The following TAFA2 variants were observed in gnomAD, a reference collection of about 807,000 sequenced individuals.
TAFA2 encodes the protein TAFA chemokine like family member 2, also known as chemokine-like protein TAFA-2.
In TAFA2, 7 loss-of-function variants were observed where a neutral mutation model predicts 18.8. The observed-to-expected ratio is 0.37, with a 90% CI of 0.21 to 0.70. TAFA2 has a LOEUF of 0.70. TAFA2 is among the 30% of genes least tolerant of loss of function. The probability of loss-of-function intolerance (pLI) is 0.53; values close to 1 mark genes in which losing one functional copy is unlikely to be tolerated. For missense variants in TAFA2, 122 were observed against 158.1 expected, an observed-to-expected ratio of 0.77 and a Z score of 1.23; for synonymous variants, 60 against 54.2, an observed-to-expected ratio of 1.11 and a Z score of -0.47.
At chr12:61,793,726 T>C (rs775789664) in intron 2 of TAFA2, among the ~76,000 whole-genome samples, 2 of 151,838 alleles carry the variant, frequency 1.3e-5, no homozygotes, top group Non-Finnish European at 2.9e-5. Flanking sequence ...GAGGTATGAC[T>C]ATGTCTCAAC....
intron 1 of TAFA2, among the ~76,000 whole-genome samples, chr12:61,941,440 TGG>T (rs1878008299): frequency 6.6e-6 from 1 of 152,100 alleles, no homozygotes; most frequent in Non-Finnish European, 1.5e-5. Context: ...AGAATTTTGT[TGG>T]GGAGGAGCCA....
chr12:62,079,686 C>A (rs1427674059), intron 1 of TAFA2, among the ~76,000 whole-genome samples: 2 of 151,314 alleles, frequency 1.3e-5, no homozygotes, highest in African/African-American at 2.4e-5. Context: ...AAATTTTTAA[C>A]AGCATGTTGT....
intron 1 of TAFA2, chr12:61,880,566 C>A (rs942855900): frequency 1.2e-4 from 59 of 480,774 alleles, no homozygotes; most frequent in African/African-American, 6.3e-4. Context: ...TACTCAAAGA[C>A]CACCAGTGGC....
chr12:61,928,650 C>A (rs1217291606), intron 1 of TAFA2, among the ~76,000 whole-genome samples: 1 of 152,156 alleles, frequency 6.6e-6, no homozygotes, highest in Non-Finnish European at 1.5e-5. Flanking sequence ...CTTGACCCAG[C>A]AATCCCATTA....
chr12:62,207,471 A>AACAC (rs57677645), intron 1 of TAFA2, among the ~76,000 whole-genome samples: 1 of 149,556 alleles, frequency 6.7e-6, no homozygotes, highest in African/African-American at 2.4e-5. Context: ...TTCACACACA[A>AACAC]ACACACACAC....
intron 1 of TAFA2, among the ~76,000 whole-genome samples, chr12:62,213,189 G>T (rs1029568592): frequency 2.6e-5 from 4 of 152,184 alleles, no homozygotes; most frequent in Non-Finnish European, 5.9e-5. Context: ...CACAGTTAGA[G>T]AAGTAGTAAG....
chr12:61,744,534 TAA>T (rs1868608810), intron 4 of TAFA2, among the ~76,000 whole-genome samples: 1 of 152,104 alleles, frequency 6.6e-6, no homozygotes, highest in Non-Finnish European at 1.5e-5. Flanking sequence ...AATCAGCTCT[TAA>T]ATTTAAAATA....
intron 1 of TAFA2, among the ~76,000 whole-genome samples, chr12:62,255,891 G>C (rs1242779220): frequency 6.6e-6 from 1 of 151,852 alleles, no homozygotes; most frequent in Non-Finnish European, 1.5e-5. Flanking sequence ...AGTTCTATTA[G>C]CATGTAGTGA....
intron 1 of TAFA2, among the ~76,000 whole-genome samples, chr12:62,110,573 C>A (rs572886935): frequency 6.2e-4 from 93 of 148,884 alleles, no homozygotes; most frequent in Non-Finnish European, 1.0e-3. Flanking sequence ...CCTTTTGCAC[C>A]TCTGGTAGAA....
intron 1 of TAFA2, among the ~76,000 whole-genome samples, chr12:61,933,247 A>T (rs879404048): frequency 6.6e-6 from 1 of 152,188 alleles, no homozygotes; most frequent in African/African-American, 2.4e-5. Flanking sequence ...CTGAGCTCAA[A>T]TCCTAGTTCA....
At chr12:62,077,776 C>T (rs1868261167) in intron 1 of TAFA2, among the ~76,000 whole-genome samples, 1 of 152,138 alleles carries the variant, frequency 6.6e-6, no homozygotes, top group Non-Finnish European at 1.5e-5. Context: ...ACCTCATCCA[C>T]AGCCATGAAT....
Position 61,754,989 on chromosome 12 carries a change from C to T in TAFA2, c.142G>A (p.Ala48Thr). Residue 48 changes from alanine (A) to threonine (T), a missense_variant, in exon 3 of 5, where the codon GCA becomes ACA. By Grantham distance (58) the Ala-to-Thr change is moderately conservative. This residue lies in a region of TAFA2 where 62 missense variants were observed against 55.5 expected (regional missense o/e 1.12). Coordinates refer to ENST00000416284, the MANE Select transcript of TAFA2 (RefSeq NM_178539.5). ...TTCTTATTACAGCATCTGTGGAGTG[C>T]CACCACCTCACAAGTTCCCGTTTTA... ...HVKTGTCEVVALHRCCNKNKI... is the reference protein window; with the variant it reads ...HVKTGTCEVVTLHRCCNKNKI... 2 of 1,612,702 alleles carry T rather than the reference C, an allele frequency of 1.2e-6. No individual in the cohort carries two copies. The highest frequency in any genetic ancestry group is 1.7e-6 in the Non-Finnish European group (2 of 1,179,266).
At chr12:61,986,898 C>G (rs776819447) in intron 1 of TAFA2, among the ~76,000 whole-genome samples, 2 of 151,988 alleles carry the variant, frequency 1.3e-5, no homozygotes, top group African/African-American at 4.8e-5. Context: ...ACAAGTAGAC[C>G]GTCTATGTCC....
At chr12:62,067,984 A>ATT (rs1030539545) in intron 1 of TAFA2, among the ~76,000 whole-genome samples, 12 of 149,402 alleles carry the variant, frequency 8.0e-5, no homozygotes, top group African/African-American at 2.9e-4. Flanking sequence ...TTTTTTTCAG[A>ATT]TTCTTCTAAA....
chr12:61,880,561 A>G (rs1875080930), intron 1 of TAFA2: 1 of 484,024 alleles, frequency 2.1e-6, no homozygotes. Context: ...GTATCTACTC[A>G]AAGACCACCA....
At chr12:62,025,151 C>T (rs1390958547) in intron 1 of TAFA2, among the ~76,000 whole-genome samples, 1 of 152,112 alleles carries the variant, frequency 6.6e-6, no homozygotes, top group African/African-American at 2.4e-5. Context: ...CAAAAAGACA[C>T]ATATACTCAT....
At chr12:62,225,271 GA>G (rs1343930824) in intron 1 of TAFA2, among the ~76,000 whole-genome samples, 1 of 152,124 alleles carries the variant, frequency 6.6e-6, no homozygotes, top group Non-Finnish European at 1.5e-5. Context: ...AGTAGAGAAT[GA>G]CTACTTTAGC....
chr12:62,024,554 A>G (rs1441959803), intron 1 of TAFA2, among the ~76,000 whole-genome samples: 1 of 152,174 alleles, frequency 6.6e-6, no homozygotes, highest in African/African-American at 2.4e-5. Flanking sequence ...TGGCCTTGGG[A>G]AAGAATTTGT....
intron 2 of TAFA2, among the ~76,000 whole-genome samples, chr12:61,834,073 A>G (rs1388463074): frequency 6.6e-6 from 1 of 152,090 alleles, no homozygotes; most frequent in Non-Finnish European, 1.5e-5. Context: ...TGACAATAGT[A>G]GTAACAACTA....
Sources: allele counts gnomAD v4.1 joint callset (sites outside exome capture counted in the v4.1 genomes callset), GRCh38; gene constraint gnomAD v4.1.1; regional missense constraint gnomAD v4.1.1; transcripts MANE v1.5; gene names NCBI Gene and HGNC (gene_info 2026-07-23, HGNC 2026-07-21).